The following RRM2 variants were observed in gnomAD, a reference collection of about 807,000 sequenced individuals.
The protein encoded by RRM2 is ribonucleotide reductase regulatory subunit M2.
RRM2 carries 6 observed loss-of-function variants against 45.9 expected under a neutral mutation model. That is an observed-to-expected ratio of 0.13 (90% confidence interval 0.07 to 0.26). RRM2 has a LOEUF of 0.26. RRM2 is among the 10% of genes least tolerant of loss of function. The pLI is 1.00. For missense variants in RRM2, 343 were observed against 489.5 expected (o/e 0.70, Z 2.82); for synonymous variants, 177 against 173.0 (o/e 1.02, Z -0.18).
chr2:10,209,920 T>C (rs1664728767), intron 3 of RRM2, among the ~76,000 whole-genome samples: 1 of 152,148 alleles, frequency 6.6e-6, no homozygotes, highest in Non-Finnish European at 1.5e-5. Flanking sequence ...ACAGCTGAAA[T>C]CTGTGCCACT....
intron 3 of RRM2, among the ~76,000 whole-genome samples, chr2:10,197,027 C>G (rs530977689): frequency 6.6e-6 from 1 of 152,266 alleles, no homozygotes; most frequent in African/African-American, 2.4e-5. Flanking sequence ...CAGTGAGCTT[C>G]CCACACTCAG....
rs149624918 is a variant in RRM2 at position 10,145,297 on chromosome 2, C to T, written n.482+2922C>T. ...CCCGAAAGTTGTAACTGGGGAGTGG[C>T]ACGGTGGTGAGTTAGAGCCACGTCA... On this transcript the variant is annotated intron_variant and non_coding_transcript_variant, in intron 3 of 3. Coordinates refer to the RRM2 transcript ENST00000381786. Among the ~76,000 whole-genome samples, 629 of 152,246 alleles carry T rather than the reference C, an allele frequency of 4.1e-3. 4 individuals carry two copies. Among genetic ancestry groups the T allele is most frequent in the African/African-American group, 0.014 (594 of 41,526 alleles).
chr2:10,125,349 T>A (rs1280106453), intron 5 of RRM2, among the ~76,000 whole-genome samples: 2 of 152,122 alleles, frequency 1.3e-5, no homozygotes, highest in Non-Finnish European at 2.9e-5. Context: ...TAAGGTCTGT[T>A]TTGTTTTGGA....
rs532687466 is a variant in RRM2 at position 10,164,009 on chromosome 2, C to T, written n.482+21634C>T. On this transcript the variant is annotated intron_variant and non_coding_transcript_variant, in intron 3 of 3. Transcript: ENST00000381786. The stretch of plus-strand genomic sequence containing the variant: ...GCTAAAGCATGCATGTGAATGTGTG[C>T]GTGTGTGTGTGTGTGTGCATGAGTG... 4.4e-4 allele frequency among the ~76,000 whole-genome samples: 66 copies of T among 150,164 alleles called. 1 individual carries two copies. The South Asian group carries it at 0.01, about 23-fold the overall frequency.
rs1476823847 is a variant in RRM2 at position 10,171,578 on chromosome 2, GAGAC to G, written n.482+29207_482+29210del. ...CCAGAGTCTCCCTAATGTGGCCTGT[GAGAC>G]AGAGCTGATGCTGAACAAAGGAACA... On this transcript the variant is annotated intron_variant and non_coding_transcript_variant, in intron 3 of 3. Coordinates refer to the RRM2 transcript ENST00000381786. The surrounding 1 kb of genome is among the most constrained non-coding windows in gnomAD (Gnocchi z 4.1). Among the ~76,000 whole-genome samples, 1 of 152,200 alleles carries G rather than the reference GAGAC, an allele frequency of 6.6e-6. No homozygotes were observed. The highest frequency in any genetic ancestry group is 2.4e-5 in the African/African-American group (1 of 41,446).
chr2:10,190,449 GTGA>G (rs1319170360), intron 3 of RRM2, among the ~76,000 whole-genome samples: 7 of 142,586 alleles, frequency 4.9e-5, no homozygotes, highest in Admixed American at 2.1e-4. Context: ...TGATGATGAT[GTGA>G]TGATGGTGGT....
chr2:10,194,516 C>T (rs977815465), intron 3 of RRM2, among the ~76,000 whole-genome samples: 2 of 152,204 alleles, frequency 1.3e-5, no homozygotes, highest in African/African-American at 4.8e-5. Context: ...TACTAACGTC[C>T]CCCCGTGGCT....
intron 3 of RRM2, among the ~76,000 whole-genome samples, chr2:10,146,398 C>T (rs1290494565): frequency 6.6e-6 from 1 of 152,240 alleles, no homozygotes; most frequent in Non-Finnish European, 1.5e-5. Context: ...ATTTTTAAAG[C>T]TCCCTGGTAA....
At position 10,161,720 on chromosome 2, in the gene RRM2, G is replaced by A. The variant is rs189856710; in HGVS notation, n.482+19345G>A. Among the ~76,000 whole-genome samples, 6 of 152,050 alleles carry A rather than the reference G, an allele frequency of 3.9e-5. No homozygotes were observed. In the East Asian group the frequency reaches 5.8e-4, roughly 15 times the overall value. On this transcript the variant is annotated intron_variant and non_coding_transcript_variant, in intron 3 of 3. Coordinates refer to the RRM2 transcript ENST00000381786. ...CACATTCACATGCATGCTTTAACTC[G>A]AGGGAAATGAACTCACAGGACTCTA...
chr2:10,128,173 G>C (rs1356683163), intron 7 of RRM2, among the ~76,000 whole-genome samples: 1 of 152,112 alleles, frequency 6.6e-6, no homozygotes, highest in Admixed American at 6.5e-5. Flanking sequence ...AATGTTCATA[G>C]TAGCCATTAT....
intron 3 of RRM2, among the ~76,000 whole-genome samples, chr2:10,187,560 C>T (rs1202566039): frequency 6.6e-5 from 10 of 152,156 alleles, no homozygotes; most frequent in African/African-American, 2.4e-4. Context: ...TCTGTGTGTC[C>T]AGGTCTGTGT....
At chr2:10,188,376 C>T (rs939788631) in intron 3 of RRM2, among the ~76,000 whole-genome samples, 9 of 152,226 alleles carry the variant, frequency 5.9e-5, no homozygotes, top group African/African-American at 2.2e-4. Context: ...GGCCTCTCTT[C>T]CTGGCCAGCA....
At chr2:10,149,206 G>A (rs1345038499) in intron 3 of RRM2, among the ~76,000 whole-genome samples, 1 of 150,956 alleles carries the variant, frequency 6.6e-6, no homozygotes, top group Non-Finnish European at 1.5e-5. Flanking sequence ...TCAGCTTGCT[G>A]CAACCTCTGC....
At chr2:10,140,196 G>A (rs1435011873), upstream of RRM2, among the ~76,000 whole-genome samples, 6 of 152,200 alleles carry the variant, frequency 3.9e-5, no homozygotes, top group South Asian at 2.1e-4. Flanking sequence ...GCAGTGAGCC[G>A]AGATTGCACC....
intron 3 of RRM2, among the ~76,000 whole-genome samples, chr2:10,190,853 G>A (rs1664289088): frequency 6.6e-6 from 1 of 151,964 alleles, no homozygotes; most frequent in Non-Finnish European, 1.5e-5. Context: ...TGGCAGAGAT[G>A]GTTACAATGC....
chr2:10,187,207 C>T (rs539767457), intron 3 of RRM2, among the ~76,000 whole-genome samples: 18 of 152,352 alleles, frequency 1.2e-4, no homozygotes, highest in Middle Eastern at 3.4e-3. Context: ...GGCCGCTCCT[C>T]TCTACCCAGC....
At chr2:10,190,603 C>T (rs866713836) in intron 3 of RRM2, among the ~76,000 whole-genome samples, 1,421 of 136,288 alleles carry the variant, frequency 0.01, 25 homozygotes, top group African/African-American at 0.038. Context: ...GTGATGTTGG[C>T]GATGATGGTG....
rs978943946 is a variant in RRM2, at chr2:10,154,442, G to A, written n.482+12067G>A. ...GGGGGGTGGGCGCACAGAGGTTGCAGTGAGTCAAGATGGCATCATTGCACT... is the reference window on the plus strand; with the variant it reads ...GGGGGGTGGGCGCACAGAGGTTGCAATGAGTCAAGATGGCATCATTGCACT... On this transcript the variant is annotated intron_variant and non_coding_transcript_variant, in intron 3 of 3. Transcript: ENST00000381786. 4.0e-5 allele frequency among the ~76,000 whole-genome samples: 6 copies of A among 148,180 alleles called. No homozygotes were observed. In the Admixed American group the frequency reaches 4.1e-4, roughly 10 times the overall value.
chr2:10,179,693 C>T (rs1460481431), intron 3 of RRM2, among the ~76,000 whole-genome samples: 1 of 152,192 alleles, frequency 6.6e-6, no homozygotes, highest in East Asian at 1.9e-4. Context: ...CTCTCTGCCT[C>T]TGTCCAGCAC....
Sources: gnomAD v4.1 joint callset for allele counts (sites outside exome capture counted in the v4.1 genomes callset) on GRCh38, gnomAD v4.1.1 for gene constraint, Gnocchi (gnomAD v3.1) non-coding constraint, MANE v1.5 for transcripts, NCBI Gene and HGNC (gene_info 2026-07-23, HGNC 2026-07-21) for gene names.